The following MET variants were observed in gnomAD, a reference collection of about 807,000 sequenced individuals.
MET encodes the protein MET proto-oncogene, receptor tyrosine kinase.
Under a neutral mutation model 133.1 loss-of-function variants are expected in MET, and 48 were observed. The observed-to-expected ratio is 0.36, with a 90% confidence interval of 0.29 to 0.46. The LOEUF (loss-of-function observed/expected upper bound fraction) is 0.46. Ranked by LOEUF, MET falls within the 20% of genes least tolerant of loss-of-function variation. The probability of loss-of-function intolerance (pLI) is 1.00; values close to 1 mark genes in which losing one functional copy is unlikely to be tolerated. For synonymous variants in MET, 628 were observed against 616.5 expected (o/e 1.02, Z -0.28); for missense variants, 1,442 against 1,695.9 (o/e 0.85, Z 2.63).
Position 116,795,993 on chromosome 7 carries a change from C to A in MET, c.4042C>A (p.His1348Asn), listed in dbSNP as rs773772398. Residue 1348 changes from histidine (H) to asparagine (N), a missense_variant, in exon 21 of 21, where the codon CAC (histidine) becomes AAC (asparagine). This residue lies in a region of MET where 94 missense variants were observed against 109.5 expected (regional missense o/e 0.86). Transcript: ENST00000397752. Reference protein sequence around the residue: ...SAIFSTFIGEHYVHVNATYVN... With the variant: ...SAIFSTFIGENYVHVNATYVN... ...GATCTTCTCTACTTTCATTGGGGAG[C>A]ACTATGTCCATGTGAACGCTACTTA... The A allele has an allele frequency of 8.1e-6, 13 of 1,613,968 alleles. No individual in the cohort carries two copies. Among genetic ancestry groups the A allele is most frequent in the Non-Finnish European group, 1.1e-5 (13 of 1,179,986 alleles).
rs1278254320 is a variant in MET at position 116,775,009 on chromosome 7, A to G, written c.3157A>G (p.Ile1053Val). The G allele has an allele frequency of 1.9e-6, 3 of 1,614,226 alleles. No homozygotes were observed. Among genetic ancestry groups the G allele is most frequent in the South Asian group, 1.1e-5 (1 of 91,086 alleles). Residue 1053 changes from isoleucine (I) to valine (V), a missense_variant, in exon 15 of 21, where the codon ATT becomes GTT. Around this residue, in one of 6 missense-constraint regions of MET, gnomAD observed 514 missense variants for 659.6 expected, o/e 0.78. Transcript: ENST00000397752. ...SSPLLQNTVH[I>V]DLSALNPELV... ...TCCATTACTGCAAAATACTGTCCAC[A>G]TTGACCTCAGTGCTCTAAATCCAGA...
intron 11 of MET, among the ~76,000 whole-genome samples, chr7:116,766,363 C>T (rs1012480550): frequency 4.6e-5 from 7 of 152,176 alleles, no homozygotes; most frequent in South Asian, 2.1e-4. Flanking sequence ...GGGCAGGGAG[C>T]GGGGACTTGG....
At chr7:116,754,368 C>G (rs1437909870) in intron 5 of MET, among the ~76,000 whole-genome samples, 1 of 152,136 alleles carries the variant, frequency 6.6e-6, no homozygotes, top group East Asian at 1.9e-4. Flanking sequence ...CGTATAATGG[C>G]TGGACCTTGG....
At chr7:116,681,224 G>A (rs1455829705) in intron 1 of MET, among the ~76,000 whole-genome samples, 4 of 152,136 alleles carry the variant, frequency 2.6e-5, no homozygotes, top group Non-Finnish European at 5.9e-5. Flanking sequence ...CTGAGTGTCA[G>A]AGGCATGTTC....
Position 116,699,172 on chromosome 7 carries a change from C to T in MET, c.88C>T (p.Leu30=), listed in dbSNP as rs1060504939. 6 of 1,613,814 alleles carry T rather than the reference C, an allele frequency of 3.7e-6. No individual in the cohort carries two copies. Among genetic ancestry groups the T allele is most frequent in the Non-Finnish European group, 5.1e-6 (6 of 1,179,902 alleles). ...GAGCAATGGGGAGTGTAAAGAGGCA[C>T]TAGCAAAGTCCGAGATGAATGTGAA... ...QRSNGECKEA[L]AKSEMNVNMK... is the part of the protein sequence containing the mutation. Residue 30 remains leucine, a synonymous_variant, in exon 2 of 21, where the codon CTA becomes TTA. Coordinates refer to ENST00000397752, the MANE Select transcript of MET (RefSeq NM_000245.4).
intron 1 of MET, among the ~76,000 whole-genome samples, chr7:116,686,539 G>T (rs1291141844): frequency 1.3e-5 from 2 of 152,184 alleles, no homozygotes; most frequent in East Asian, 1.9e-4. Flanking sequence ...TAAAAAGTAA[G>T]TTCCACAAGA....
intron 1 of MET, among the ~76,000 whole-genome samples, chr7:116,684,215 T>C (rs1317744056): frequency 5.3e-5 from 8 of 152,366 alleles, no homozygotes; most frequent in African/African-American, 1.9e-4. Context: ...TCAAAATCCA[T>C]ATTGAATAAT....
At position 116,763,099 on chromosome 7, in the gene MET, C is replaced by T. The variant is rs1410859976; in HGVS notation, c.2414C>T (p.Ser805Phe). 1.2e-6 allele frequency: 2 copies of T among 1,613,964 alleles called. No homozygotes were observed. Among genetic ancestry groups the T allele is most frequent in the Non-Finnish European group, 1.7e-6 (2 of 1,179,992 alleles). Reference sequence around the variant, plus strand: ...GAGATAATCTGTTGTACCACTCCTTCCCTGCAACAGCTGAATCTGCAACTC... The same window carrying T: ...GAGATAATCTGTTGTACCACTCCTTTCCTGCAACAGCTGAATCTGCAACTC... ...NSEIICCTTP[S>F]LQQLNLQLPL... Residue 805 changes from serine to phenylalanine, a missense_variant, in exon 11 of 21, where the codon TCC becomes TTC. By Grantham distance (155) the Ser-to-Phe change is radical (BLOSUM62 -2). Transcript: ENST00000397752.
chr7:116,755,303 G>A, intron 5 of MET, 52 bp from the exon 6 acceptor site: 2 of 1,591,312 alleles, frequency 1.3e-6, no homozygotes, highest in South Asian at 2.2e-5. Context: ...CCATATATGT[G>A]AAAAATTATA....
intron 18 of MET, among the ~76,000 whole-genome samples, chr7:116,782,652 T>A (rs890595991): frequency 1.3e-5 from 2 of 152,266 alleles, no homozygotes; most frequent in African/African-American, 4.8e-5. Context: ...ACTTATGGTA[T>A]GTGTGAATGA....
chr7:116,736,623 T>G (rs1417029911), intron 3 of MET, among the ~76,000 whole-genome samples: 1 of 152,210 alleles, frequency 6.6e-6, no homozygotes, highest in Non-Finnish European at 1.5e-5. Flanking sequence ...TTTGTACATG[T>G]ATTTCTTCCC....
intron 5 of MET, among the ~76,000 whole-genome samples, chr7:116,742,529 T>G (rs1793500476): frequency 2.0e-5 from 3 of 152,258 alleles, no homozygotes; most frequent in Admixed American, 2.0e-4. Flanking sequence ...CAATTTCATT[T>G]CAAAAATAAC....
intron 15 of MET, 81 bp downstream of exon 15, chr7:116,775,192 T>TA (rs1794957804): frequency 7.6e-7 from 1 of 1,311,910 alleles, no homozygotes; most frequent in African/African-American, 1.4e-5. Context: ...ATTAGGAACT[T>TA]AGACAATGGT....
chr7:116,786,185 A>G (rs902376341), intron 19 of MET, among the ~76,000 whole-genome samples: 1 of 152,204 alleles, frequency 6.6e-6, no homozygotes, highest in Non-Finnish European at 1.5e-5. Context: ...GGCTAAAAGA[A>G]TAAGAGTCAG....
intron 19 of MET, among the ~76,000 whole-genome samples, chr7:116,794,318 G>A (rs549376289): frequency 2.6e-5 from 4 of 152,262 alleles, no homozygotes; most frequent in African/African-American, 9.6e-5. Context: ...AAGTTAACAC[G>A]ATGATGTTGT....
intron 3 of MET, among the ~76,000 whole-genome samples, chr7:116,732,879 T>G (rs1793071526): frequency 6.6e-6 from 1 of 152,224 alleles, no homozygotes; most frequent in Non-Finnish European, 1.5e-5. Context: ...TTTCTTGTAC[T>G]AAAGGGCATG....
chr7:116,775,571 TGGCG>T (rs1794968626), intron 15 of MET, among the ~76,000 whole-genome samples: 1 of 152,110 alleles, frequency 6.6e-6, no homozygotes, highest in Non-Finnish European at 1.5e-5. Context: ...CCAGGCGTGG[TGGCG>T]GGTGCCTTTA....
At chr7:116,742,329 A>G (rs571846974) in intron 5 of MET, among the ~76,000 whole-genome samples, 23 of 152,344 alleles carry the variant, frequency 1.5e-4, no homozygotes, top group African/African-American at 4.8e-4. Flanking sequence ...GTGACAAAAC[A>G]AATTTAAATC....
intron 1 of MET, among the ~76,000 whole-genome samples, chr7:116,678,608 G>A (rs904777214): frequency 1.3e-5 from 2 of 152,176 alleles, no homozygotes; most frequent in Non-Finnish European, 2.9e-5. Flanking sequence ...ATTAGAGATA[G>A]GTTGCCTCCT....
Sources: allele counts gnomAD v4.1 joint callset (sites outside exome capture counted in the v4.1 genomes callset), GRCh38; gene constraint gnomAD v4.1.1; regional missense constraint gnomAD v4.1.1; transcripts MANE v1.5; gene names NCBI Gene and HGNC (gene_info 2026-07-23, HGNC 2026-07-21).